GPHN: variants seen among roughly 807,000 people sequenced by gnomAD.
The protein encoded by GPHN is gephyrin.
GPHN carries 17 observed loss-of-function variants against 95.5 expected under a neutral mutation model. That is an observed-to-expected ratio of 0.18 (90% CI 0.12 to 0.27). The LOEUF (loss-of-function observed/expected upper bound fraction) is 0.27. Ranked by LOEUF, GPHN falls within the 10% of genes least tolerant of loss-of-function variation. GPHN has a pLI of 1.00. For missense variants in GPHN, 660 were observed against 978.1 expected (o/e 0.67, Z 4.34); for synonymous variants, 320 against 322.5 (o/e 0.99, Z 0.08).
At chr14:66,713,743 TTG>T (rs1040037779) in intron 2 of GPHN, among the ~76,000 whole-genome samples, 10 of 131,024 alleles carry the variant, frequency 7.6e-5, no homozygotes, top group East Asian at 7.5e-4. Context: ...ATTTTCTTTG[TTG>T]TTTTTTTTTT....
the GPHN span, chr14:67,383,286 A>G: frequency 8.1e-6 from 13 of 1,609,078 alleles, no homozygotes; most frequent in Admixed American, 5.0e-5. Context: ...TTACTACTTC[A>G]GTTTGAAATT....
chr14:67,178,990 G>A (rs1336772886), intron 21 of GPHN, among the ~76,000 whole-genome samples: 2 of 152,180 alleles, frequency 1.3e-5, no homozygotes, highest in South Asian at 2.1e-4. Context: ...GAATGAGGGA[G>A]AAATAAAGCC....
At chr14:67,468,457 G>C in the GPHN span, among the ~76,000 whole-genome samples, 3 of 152,198 alleles carry the variant, frequency 2.0e-5, no homozygotes, top group Non-Finnish European at 4.4e-5. Context: ...TAAACATTAG[G>C]CTTTCACAAA....
At chr14:67,688,279 C>G in the GPHN span, among the ~76,000 whole-genome samples, 1 of 151,996 alleles carries the variant, frequency 6.6e-6, no homozygotes, top group Admixed American at 6.6e-5. Flanking sequence ...ACAGCCACAA[C>G]AAAAAGGAAA....
At chr14:67,592,099 A>G in the GPHN span, 1,254 of 175,548 alleles carry the variant, frequency 7.1e-3, 15 homozygotes, top group African/African-American at 0.029. Flanking sequence ...ATGAATGGTG[A>G]TTTATAGGCA....
At chr14:67,535,390 TTTTTTTTTG>T in the GPHN span, among the ~76,000 whole-genome samples, 1 of 141,192 alleles carries the variant, frequency 7.1e-6, no homozygotes, top group African/African-American at 2.7e-5. Context: ...TTTTTTTTTT[TTTTTTTTTG>T]AGCCAGAGTC....
the GPHN span, among the ~76,000 whole-genome samples, chr14:67,651,935 T>C: frequency 6.6e-6 from 1 of 152,206 alleles, no homozygotes; most frequent in Non-Finnish European, 1.5e-5. Flanking sequence ...GGGTATGTTA[T>C]AAAGGTAGTA....
At chr14:67,729,172 T>C in the GPHN span, 1 of 1,612,374 alleles carries the variant, frequency 6.2e-7, no homozygotes. Context: ...CTGATCTAAT[T>C]GTGCCCTCTT....
the GPHN span, among the ~76,000 whole-genome samples, chr14:67,426,982 G>T: frequency 0.013 from 1,950 of 152,282 alleles, 16 homozygotes; most frequent in Middle Eastern, 0.02. Flanking sequence ...CAGGCTCCAG[G>T]ACTCTTCCCT....
intron 1 of GPHN, among the ~76,000 whole-genome samples, chr14:66,667,319 G>C (rs1215407603): frequency 1.3e-5 from 2 of 152,066 alleles, no homozygotes; most frequent in Non-Finnish European, 2.9e-5. Flanking sequence ...AATTTGTACT[G>C]AACCAAAAAA....
chr14:67,122,323 C>G lies in GPHN; in HGVS notation c.1694C>G (p.Ala565Gly), dbSNP rs769672058. 1 of 1,612,616 alleles carries G rather than the reference C, an allele frequency of 6.2e-7. No homozygotes were observed. The highest frequency in any genetic ancestry group is 1.1e-5 in the South Asian group (1 of 91,030). The stretch of plus-strand genomic sequence containing the variant: ...GACAGCAATCGTTCAACTCTTCTAG[C>G]AACAATTCAGGAACATGGTTACCCC... The part of the protein sequence containing the change: ...IRDSNRSTLL[A>G]TIQEHGYPTI... The change falls in exon 17 of 23, where the codon GCA becomes GGA. Residue 565 changes from alanine to glycine, a missense_variant. By Grantham distance (60) the Ala-to-Gly change is moderately conservative (BLOSUM62 0). This residue lies in a region of GPHN where 257 missense variants were observed against 376.2 expected (regional missense o/e 0.68). Coordinates refer to ENST00000478722, the MANE Select transcript of GPHN (RefSeq NM_020806.5).
chr14:66,847,806 CAGT>C (rs1307024188), intron 4 of GPHN, among the ~76,000 whole-genome samples: 18 of 151,816 alleles, frequency 1.2e-4, no homozygotes, highest in African/African-American at 4.4e-4. Flanking sequence ...TAGATAATAA[CAGT>C]AGCAGGCACT....
the GPHN span, chr14:67,646,546 CAGA>C: frequency 1.1e-6 from 1 of 916,764 alleles, no homozygotes; most frequent in Non-Finnish European, 1.7e-6. Flanking sequence ...CTGTGGGTGG[CAGA>C]AGAAAGCAGA....
chr14:66,699,130 A>G (rs1000498432), intron 2 of GPHN, among the ~76,000 whole-genome samples: 1 of 152,196 alleles, frequency 6.6e-6, no homozygotes, highest in African/African-American at 2.4e-5. Flanking sequence ...GTAGCATGAT[A>G]ACTAAATTAC....
intron 10 of GPHN, among the ~76,000 whole-genome samples, chr14:67,025,807 G>T (rs2073894573): frequency 6.6e-6 from 1 of 152,148 alleles, no homozygotes; most frequent in African/African-American, 2.4e-5. Flanking sequence ...AAATTGCCAT[G>T]CCATTATATG....
the GPHN span, among the ~76,000 whole-genome samples, chr14:67,642,804 T>TC: frequency 1.6e-5 from 2 of 124,430 alleles, no homozygotes; most frequent in Non-Finnish European, 3.3e-5. Flanking sequence ...TTTTTTTTTT[T>TC]TTTTTTTTTT....
the GPHN span, chr14:67,343,452 A>T: frequency 6.4e-7 from 1 of 1,551,262 alleles, no homozygotes; most frequent in Non-Finnish European, 8.9e-7. Context: ...AAATAAGAAC[A>T]AATTAATAAT....
chr14:67,559,052 A>C, the GPHN span, among the ~76,000 whole-genome samples: 1 of 152,216 alleles, frequency 6.6e-6, no homozygotes. Context: ...AAATACTGAG[A>C]GTCTGACGTT....
intron 19 of GPHN, among the ~76,000 whole-genome samples, chr14:67,161,570 G>C (rs1170032608): frequency 1.3e-5 from 2 of 152,002 alleles, no homozygotes; most frequent in Non-Finnish European, 2.9e-5. Flanking sequence ...AGACCAACCT[G>C]GGCAACATGG....
Sources: gnomAD v4.1 joint callset for allele counts (sites outside exome capture counted in the v4.1 genomes callset) on GRCh38, gnomAD v4.1.1 for gene constraint, gnomAD v4.1.1 regional missense constraint, MANE v1.5 for transcripts, NCBI Gene and HGNC (gene_info 2026-07-23, HGNC 2026-07-21) for gene names.